CLASP1: variants seen among roughly 807,000 people sequenced by gnomAD.
CLASP1 encodes the protein cytoplasmic linker associated protein 1, also known as CLIP-associating protein 1.
Under a neutral mutation model 192.3 loss-of-function variants are expected in CLASP1, and 38 were observed. That is an observed-to-expected ratio of 0.20 (90% CI 0.15 to 0.26). CLASP1 has a LOEUF of 0.26. Among genes scored for constraint, CLASP1 ranks in the 10% least tolerant of loss-of-function variants. The pLI, the probability that CLASP1 is intolerant of heterozygous loss-of-function variation, is 1.00. For missense variants in CLASP1, 1,433 were observed against 1,932.5 expected, an observed-to-expected ratio of 0.74 and a Z score of 4.85; for synonymous variants, 691 against 712.8, an observed-to-expected ratio of 0.97 and a Z score of 0.49.
chr2:121,561,603 A>T (rs867775767), intron 2 of CLASP1, among the ~76,000 whole-genome samples: 8 of 152,254 alleles, frequency 5.3e-5, no homozygotes, highest in Middle Eastern at 3.2e-3. Flanking sequence ...GAGCTTAAAA[A>T]AAAATTGCAA....
At chr2:121,458,325 A>G (rs908207065) in intron 13 of CLASP1, among the ~76,000 whole-genome samples, 12 of 152,226 alleles carry the variant, frequency 7.9e-5, no homozygotes, top group Non-Finnish European at 1.3e-4. Flanking sequence ...GAACTATTAG[A>G]TTTTGTTAAA....
At chr2:121,531,895 T>C (rs1233709150) in intron 2 of CLASP1, among the ~76,000 whole-genome samples, 4 of 151,734 alleles carry the variant, frequency 2.6e-5, no homozygotes, top group East Asian at 1.9e-4. Context: ...AAATGTGAAA[T>C]AGTGAGCTTT....
At chr2:121,470,206 C>T in intron 8 of CLASP1, 1 of 532,458 alleles carries the variant, frequency 1.9e-6, no homozygotes, top group Non-Finnish European at 3.5e-6. Context: ...AAAAATAGAA[C>T]AAATATAAAG....
chr2:121,500,918 C>T (rs764893303), intron 8 of CLASP1, among the ~76,000 whole-genome samples: 2 of 152,098 alleles, frequency 1.3e-5, no homozygotes, highest in African/African-American at 2.4e-5. Context: ...TGTGTGTGCA[C>T]GTGCACACAC....
At chr2:121,609,831 C>T (rs1014239184) in intron 1 of CLASP1, among the ~76,000 whole-genome samples, 2 of 152,184 alleles carry the variant, frequency 1.3e-5, no homozygotes, top group African/African-American at 2.4e-5. Context: ...ATCCCAGCTA[C>T]GTGGGAGGCT....
chr2:121,410,779 G>C, intron 24 of CLASP1, 87 bp downstream of exon 25: 1 of 711,646 alleles, frequency 1.4e-6, no homozygotes, highest in African/African-American at 1.8e-5. Context: ...TTCATAACCT[G>C]ATTTGGGGGC....
chr2:121,505,805 T>C (rs2093928894), intron 7 of CLASP1, among the ~76,000 whole-genome samples: 3 of 152,144 alleles, frequency 2.0e-5, no homozygotes, highest in African/African-American at 7.2e-5. Context: ...TCAATCCAAT[T>C]AGAATTTATT....
intron 30 of CLASP1, among the ~76,000 whole-genome samples, chr2:121,389,218 T>A (rs919919634): frequency 6.6e-6 from 1 of 152,166 alleles, no homozygotes; most frequent in Non-Finnish European, 1.5e-5. Flanking sequence ...TAATTTCAAA[T>A]ACAGTCATTA....
intron 34 of CLASP1, among the ~76,000 whole-genome samples, chr2:121,373,314 C>T (rs1227960441): frequency 1.3e-5 from 2 of 152,182 alleles, no homozygotes; most frequent in Non-Finnish European, 2.9e-5. Flanking sequence ...GCCTCCCCAG[C>T]CAGGCCTCCG....
chr2:121,435,632 CTCCTT>C (rs1026515223), intron 19 of CLASP1, among the ~76,000 whole-genome samples: 1 of 152,182 alleles, frequency 6.6e-6, no homozygotes, highest in African/African-American at 2.4e-5. Flanking sequence ...CTTTTATCCT[CTCCTT>C]TGTTTCCTTC....
chr2:121,462,131 C>A (rs562063804), intron 10 of CLASP1, among the ~76,000 whole-genome samples: 1 of 151,734 alleles, frequency 6.6e-6, no homozygotes, highest in African/African-American at 2.4e-5. Context: ...TAAAGTGAAG[C>A]ATCAAAGAAG....
intron 8 of CLASP1, chr2:121,470,275 C>T (rs1230477574): frequency 2.1e-6 from 1 of 472,414 alleles, no homozygotes; most frequent in Non-Finnish European, 4.1e-6. Context: ...CATTCTGCAA[C>T]ATTTCTGACC....
At chr2:121,582,289 GAGAGAA>G (rs1188683317) in intron 2 of CLASP1, among the ~76,000 whole-genome samples, 2 of 150,940 alleles carry the variant, frequency 1.3e-5, no homozygotes, top group Admixed American at 1.3e-4. Flanking sequence ...GAGAGAGAGA[GAGAGAA>G]AGAGAAAGGG....
chr2:121,445,358 G>C lies in CLASP1; in HGVS notation c.1912+1979C>G. 1.1e-5 allele frequency: 8 copies of C among 712,984 alleles called. No individual in the cohort carries two copies. The South Asian group carries it at 1.2e-4, about 11-fold the overall frequency. 44.2% of individuals were successfully genotyped at this position (712,984 alleles called of 1,614,324 possible). On this transcript the variant is annotated intron_variant, in intron 19 of 39. Transcript: ENST00000263710. ...TAAAATACTAAAGAGTTACCCAAAA[G>C]GCAGAGCCAAGTAAGAAGCTCAGAG...
chr2:121,383,904 G>C (rs1218956899), intron 32 of CLASP1, among the ~76,000 whole-genome samples: 4 of 150,706 alleles, frequency 2.7e-5, no homozygotes, highest in African/African-American at 9.8e-5. Flanking sequence ...ATGTCTAACG[G>C]AATGTTTTAC....
chr2:121,367,764 C>T, exon 35 of CLASP1: 3 of 1,613,948 alleles, frequency 1.9e-6, no homozygotes, highest in Non-Finnish European at 2.5e-6. Flanking sequence ...AGCTGTCCGG[C>T]CTCCTTCTAC....
chr2:121,535,176 C>A (rs1009959214), intron 2 of CLASP1, among the ~76,000 whole-genome samples: 1 of 152,076 alleles, frequency 6.6e-6, no homozygotes, highest in African/African-American at 2.4e-5. Context: ...CTGCTCTGCT[C>A]GGGAGGCTGA....
chr2:121,475,383 G>C (rs2091466857), intron 8 of CLASP1, among the ~76,000 whole-genome samples: 1 of 152,176 alleles, frequency 6.6e-6, no homozygotes, highest in Non-Finnish European at 1.5e-5. Flanking sequence ...TTAAAAGGAG[G>C]CTGGGTCATC....
At chr2:121,595,604 A>G (rs1487911623) in intron 2 of CLASP1, among the ~76,000 whole-genome samples, 4 of 152,240 alleles carry the variant, frequency 2.6e-5, no homozygotes, top group Non-Finnish European at 5.9e-5. Context: ...GCCTCAGTCA[A>G]TGGATTGTTT....
Sources: allele counts gnomAD v4.1 joint callset (sites outside exome capture counted in the v4.1 genomes callset), GRCh38; gene constraint gnomAD v4.1.1; transcripts MANE v1.5; gene names NCBI Gene and HGNC (gene_info 2026-07-23, HGNC 2026-07-21).